Variants in MINDY4B observed in about 807,000 individuals in gnomAD.
The protein encoded by MINDY4B is inactive ubiquitin carboxyl-terminal hydrolase MINDY-4B.
In MINDY4B, 25 loss-of-function variants were observed where a neutral mutation model predicts 16.7. The ratio of observed to expected loss-of-function variants is 1.49; its 90% CI spans 1.09 to 2.09. The LOEUF is 2.09. Among genes scored for constraint, MINDY4B ranks in the 30% most tolerant of loss-of-function variants. The pLI is 0.00. For synonymous variants in MINDY4B, 132 were observed against 61.9 expected, an observed-to-expected ratio of 2.13 and a Z score of -5.32; for missense variants, 327 against 168.4, an observed-to-expected ratio of 1.94 and a Z score of -5.21.
intron 10 of MINDY4B, among the ~76,000 whole-genome samples, chr3:150,876,249 G>C (rs1476912488): frequency 6.6e-6 from 1 of 152,188 alleles, no homozygotes; most frequent in Non-Finnish European, 1.5e-5. Flanking sequence ...AAATTACAAG[G>C]ACAGCAAGGA....
intron 10 of MINDY4B, among the ~76,000 whole-genome samples, chr3:150,879,110 A>T (rs1385224857): frequency 6.6e-6 from 1 of 152,212 alleles, no homozygotes; most frequent in East Asian, 1.9e-4. Context: ...TTAAAAACGA[A>T]CCGAAAGCTG....
intron 10 of MINDY4B, among the ~76,000 whole-genome samples, chr3:150,876,719 T>C (rs1426315278): frequency 6.6e-6 from 1 of 152,148 alleles, no homozygotes; most frequent in African/African-American, 2.4e-5. Context: ...GGGATAGTGA[T>C]GTGTGCTGCC....
chr3:150,883,657 TAATTCAGATTCTAC>T, intron 9 of MINDY4B, 29 bp downstream of exon 9: 1 of 697,246 alleles, frequency 1.4e-6, no homozygotes, highest in Non-Finnish European at 2.6e-6. Context: ...GGCATTCAAC[TAATTCAGATTCTAC>T]AATAGAAAGG....
intron 10 of MINDY4B, among the ~76,000 whole-genome samples, chr3:150,874,111 G>C (rs1005940975): frequency 2.0e-5 from 3 of 149,752 alleles, no homozygotes; most frequent in Non-Finnish European, 4.4e-5. Context: ...GACTCCCTGG[G>C]CTCAAGTGAT....
rs1425489715 is a variant in MINDY4B, at chr3:150,870,994, C to T, written c.*51G>A. 2 of 672,112 alleles carry T rather than the reference C, an allele frequency of 3.0e-6. No homozygotes were observed. Among genetic ancestry groups the T allele is most frequent in the Non-Finnish European group, 5.4e-6 (2 of 371,190 alleles). The allele number at this position is 672,112 out of a possible 1,614,324, so 41.6% of individuals were successfully genotyped here. ...TGGTCTCCCCCACATTAGGCTTTTG[C>T]ATCCCAGCAGTTCTGACACTTCAGA... On this transcript the variant is annotated 3_prime_UTR_variant, in exon 12 of 12. Coordinates refer to ENST00000465419, the MANE Select transcript of MINDY4B (RefSeq NM_001351281.2).
chr3:150,883,985 G>A (rs1319490714), intron 8 of MINDY4B, among the ~76,000 whole-genome samples: 2 of 152,240 alleles, frequency 1.3e-5, no homozygotes, highest in Admixed American at 6.5e-5. Context: ...AGTGGTAGGG[G>A]AGAAGGTACA....
intron 7 of MINDY4B, among the ~76,000 whole-genome samples, chr3:150,888,526 G>A (rs1428844916): frequency 6.6e-6 from 1 of 152,170 alleles, no homozygotes; most frequent in Non-Finnish European, 1.5e-5. Context: ...ATGAGACACA[G>A]GATTGATGCA....
At chr3:150,894,105 T>G (rs1475768685) in intron 4 of MINDY4B, 81 bp downstream of exon 4, 3 of 567,530 alleles carry the variant, frequency 5.3e-6, no homozygotes, top group Non-Finnish European at 9.3e-6. Context: ...AGACATGCAT[T>G]TACATGGATG....
intron 7 of MINDY4B, among the ~76,000 whole-genome samples, chr3:150,886,627 T>C (rs114829106): frequency 1.4e-3 from 210 of 152,326 alleles, no homozygotes; most frequent in Non-Finnish European, 2.0e-3. Context: ...CACAAACCAG[T>C]ATTCCTTCTG....
intron 5 of MINDY4B, among the ~76,000 whole-genome samples, chr3:150,892,015 A>T (rs546749877): frequency 1.3e-5 from 2 of 152,198 alleles, no homozygotes; most frequent in Non-Finnish European, 2.9e-5. Flanking sequence ...TATGTGTTCC[A>T]TTTGAATTCC....
intron 10 of MINDY4B, among the ~76,000 whole-genome samples, chr3:150,873,779 A>G (rs906100263): frequency 2.6e-5 from 4 of 152,182 alleles, no homozygotes; most frequent in African/African-American, 7.2e-5. Context: ...GCAATAATTC[A>G]TTCAGCAGGT....
At chr3:150,886,907 A>G (rs1188000096) in intron 7 of MINDY4B, among the ~76,000 whole-genome samples, 6 of 152,254 alleles carry the variant, frequency 3.9e-5, no homozygotes, top group Admixed American at 3.3e-4. Flanking sequence ...GTAACATAAC[A>G]GTAGTCTCCC....
At chr3:150,892,794 A>AAG (rs1711849587) in intron 5 of MINDY4B, among the ~76,000 whole-genome samples, 1 of 151,590 alleles carries the variant, frequency 6.6e-6, no homozygotes, top group Admixed American at 6.6e-5. Context: ...AAAAAAAAAA[A>AAG]AAATACAAAA....
intron 3 of MINDY4B, among the ~76,000 whole-genome samples, chr3:150,902,842 C>A (rs1253423447): frequency 1.3e-5 from 2 of 152,188 alleles, no homozygotes; most frequent in Non-Finnish European, 2.9e-5. Context: ...GACAAGTTTC[C>A]CCAGCTCTCT....
At chr3:150,878,595 A>G (rs1711500486) in intron 10 of MINDY4B, among the ~76,000 whole-genome samples, 1 of 152,222 alleles carries the variant, frequency 6.6e-6, no homozygotes, top group South Asian at 2.1e-4. Flanking sequence ...GAAAAGCCAC[A>G]TTAGTCACTT....
chr3:150,876,331 A>G (rs948708196), intron 10 of MINDY4B, among the ~76,000 whole-genome samples: 1 of 152,186 alleles, frequency 6.6e-6, no homozygotes, highest in African/African-American at 2.4e-5. Flanking sequence ...TGCTGTCTAG[A>G]ACAATGGCGC....
At chr3:150,889,428 T>A (rs1484833734) in intron 7 of MINDY4B, among the ~76,000 whole-genome samples, 1 of 152,234 alleles carries the variant, frequency 6.6e-6, no homozygotes, top group East Asian at 1.9e-4. Flanking sequence ...TCCATATTAA[T>A]GACCCTTGTG....
intron 4 of MINDY4B, 40 bp downstream of exon 4, chr3:150,894,144 CAT>C: frequency 1.5e-6 from 1 of 657,282 alleles, no homozygotes; most frequent in Non-Finnish European, 2.7e-6. Flanking sequence ...GGATAAGGAA[CAT>C]GGGAATAAGG....
In MINDY4B at chr3:150,883,754, A is replaced by T. The variant is rs2107900203; in HGVS notation, c.843T>A (p.Asp281Glu). 1 of 702,812 alleles carries T rather than the reference A, an allele frequency of 1.4e-6. No homozygotes were observed. The highest frequency in any genetic ancestry group is 1.5e-5 in the South Asian group (1 of 67,590). 43.5% of individuals were successfully genotyped at this position (702,812 alleles called of 1,614,324 possible). A position where few individuals can be genotyped will look rare whatever the true frequency, so the allele number is the denominator to read the frequency against. The change falls in exon 9 of 12, where the codon GAT becomes GAA. Residue 281 changes from aspartate (D) to glutamate (E), a missense_variant. By Grantham distance (45) the Asp-to-Glu change is conservative. Transcript: ENST00000465419. ...RTFERLQMDL[D>E]VTTTQLLQPN... is the part of the protein sequence containing the mutation. ...GTTGTAGCAGCTGAGTGGTGGTGAC[A>T]TCTAGGTCCATTTGAAGCCTGCAGA...
Sources: gnomAD v4.1 joint callset for allele counts (sites outside exome capture counted in the v4.1 genomes callset) on GRCh38, gnomAD v4.1.1 for gene constraint, MANE v1.5 for transcripts, NCBI Gene and HGNC (gene_info 2026-07-23, HGNC 2026-07-21) for gene names.